ZBED1: variants seen among roughly 807,000 people sequenced by gnomAD.
ZBED1 encodes zinc finger BED-type containing 1, also known as E3 SUMO-protein ligase ZBED1.
In ZBED1, 19 loss-of-function variants were observed where a neutral mutation model predicts 49.7. The ratio of observed to expected loss-of-function variants is 0.38; its 90% CI spans 0.27 to 0.56. The LOEUF (loss-of-function observed/expected upper bound fraction) is 0.56. Among genes scored for constraint, ZBED1 ranks in the 20% least tolerant of loss-of-function variants. The pLI, the probability that ZBED1 is intolerant of heterozygous loss-of-function variation, is 0.70. For missense variants in ZBED1, 806 were observed against 972.6 expected (o/e 0.83, Z 2.28); for synonymous variants, 439 against 440.3 (o/e 1.00, Z 0.04).
At chrX:2,493,972 C>G (rs934119026) in intron 1 of ZBED1, among the ~76,000 whole-genome samples, 5 of 143,080 alleles carry the variant, frequency 3.5e-5, no homozygotes, top group Admixed American at 3.4e-4. Flanking sequence ...AACTCCGTCT[C>G]AAAGAAAGAA....
intron 1 of ZBED1, among the ~76,000 whole-genome samples, chrX:2,500,002 A>G (rs1188319276): frequency 6.6e-6 from 1 of 152,154 alleles, no homozygotes; most frequent in African/African-American, 2.4e-5. Flanking sequence ...ACAGAGCAAG[A>G]CTTCATCTCT....
intron 1 of ZBED1, 82 bp from the exon 2 acceptor site, chrX:2,490,854 C>G: frequency 2.3e-6 from 3 of 1,289,618 alleles, no homozygotes; most frequent in Non-Finnish European, 3.2e-6. Flanking sequence ...GACAGGGTGC[C>G]GGGGCAGCTC....
intron 1 of ZBED1, among the ~76,000 whole-genome samples, chrX:2,491,169 A>C (rs1265018249): frequency 1.3e-5 from 2 of 148,840 alleles, no homozygotes; most frequent in Non-Finnish European, 3.0e-5. Context: ...TCCCGGGTTC[A>C]AGCGATCTTC....
At position 2,489,706 on chromosome X, in the gene ZBED1, C is replaced by G; in HGVS notation, c.1014G>C (p.Gln338His). 1 of 1,612,874 alleles carries G rather than the reference C, an allele frequency of 6.2e-7. No homozygotes were observed. Among genetic ancestry groups the G allele is most frequent in the Non-Finnish European group, 8.5e-7 (1 of 1,179,836 alleles). ...AMYMLYEKQK[Q>H]QNVAHCMLVS... ...CCAGCATGCAGTGGGCCACGTTCTG[C>G]TGCTTCTGCTTCTCATAGAGCATGT... Residue 338 changes from glutamine to histidine, a missense_variant, in exon 2 of 2, where the codon CAG becomes CAC. This residue lies in a region of ZBED1 where 749 missense variants were observed against 861.3 expected (regional missense o/e 0.87). Coordinates refer to ENST00000652001, the MANE Select transcript of ZBED1 (RefSeq NM_001171136.2).
Position 2,489,246 on chromosome X carries a change from G to C in ZBED1, c.1474C>G (p.Gln492Glu). 6.2e-7 allele frequency: 1 copy of C among 1,613,922 alleles called. No homozygotes were observed. Among genetic ancestry groups the C allele is most frequent in the Non-Finnish European group, 8.5e-7 (1 of 1,179,854 alleles). ...TCTTCCACCACGCGATTCTCCACCT[G>C]CTGCCGCTCGAAGGCGGAGAGGAAG... is the stretch of plus-strand genomic sequence containing the variant. The part of the protein sequence containing the change: ...LPFLSAFERQ[Q>E]VENRVVEEAK... Residue 492 changes from glutamine (Q) to glutamate (E), a missense_variant, in exon 2 of 2, where the codon CAG becomes GAG. Physicochemically the swap from Gln to Glu is conservative, Grantham distance 29. Transcript: ENST00000652001.
intron 1 of ZBED1, among the ~76,000 whole-genome samples, chrX:2,491,820 A>C (rs966405032): frequency 3.0e-4 from 45 of 152,220 alleles, no homozygotes; most frequent in African/African-American, 1.1e-3. Flanking sequence ...ACACCTGTGC[A>C]AACATCAGGC....
intron 1 of ZBED1, among the ~76,000 whole-genome samples, chrX:2,492,358 C>T (rs767363724): frequency 1.3e-5 from 2 of 151,146 alleles, no homozygotes; most frequent in East Asian, 2.0e-4. Context: ...TGGAGTGATG[C>T]GGCCACAAAC....
rs765319071 is a variant in ZBED1, at chrX:2,489,659, C to A, written c.1061G>T (p.Trp354Leu). The change falls in exon 2 of 2, where the codon TGG becomes TTG. Residue 354 changes from tryptophan to leucine, a missense_variant. Coordinates refer to ENST00000652001, the MANE Select transcript of ZBED1 (RefSeq NM_001171136.2). ...CTGCAGCATGGCCAGCGTGCTCCCCCACCAGGAGACGCGGTTGCTCACCAG... is the reference window on the plus strand; with the variant it reads ...CTGCAGCATGGCCAGCGTGCTCCCCAACCAGGAGACGCGGTTGCTCACCAG... ...CMLVSNRVSW[W>L]GSTLAMLQRL... 9 of 1,612,418 alleles carry A rather than the reference C, an allele frequency of 5.6e-6. No homozygotes were observed. The highest frequency in any genetic ancestry group is 2.0e-4 in the Middle Eastern group (1 of 5,112).
Position 2,489,748 on chromosome X carries a change from C to T in ZBED1, c.972G>A (p.Gln324=), listed in dbSNP as rs775678500. 20 of 1,613,200 alleles carry T rather than the reference C, an allele frequency of 1.2e-5. No homozygotes were observed. The highest frequency in any genetic ancestry group is 1.4e-5 in the Non-Finnish European group (17 of 1,179,876). ...AGAGCATGTACATGGCCACGGCAGA[C>T]TGCTGGAAGTACTCCACCAGTTTGC... ...RCRKLVEYFQ[Q]SAVAMYMLYE... Residue 324 remains glutamine (Q), a synonymous_variant, in exon 2 of 2, where the codon CAG becomes CAA. Coordinates refer to ENST00000652001, the MANE Select transcript of ZBED1 (RefSeq NM_001171136.2).
chrX:2,500,278 A>G (rs781357367), intron 1 of ZBED1: 4 of 175,274 alleles, frequency 2.3e-5, no homozygotes, highest in Non-Finnish European at 4.9e-5. Flanking sequence ...CCCTCTGGAG[A>G]CGTCCTCCGG....
chrX:2,496,224 A>G (rs1447820930), intron 1 of ZBED1, among the ~76,000 whole-genome samples: 1 of 152,058 alleles, frequency 6.6e-6, no homozygotes, highest in Non-Finnish European at 1.5e-5. Context: ...TTTGAGACGG[A>G]GTCTCGCCCT....
At chrX:2,492,379 TGGAGCCCCCA>T (rs1294021614) in intron 1 of ZBED1, among the ~76,000 whole-genome samples, 1 of 150,462 alleles carries the variant, frequency 6.6e-6, no homozygotes, top group Non-Finnish European at 1.5e-5. Context: ...CCAGAACGCC[TGGAGCCCCCA>T]GGAGCTGGGA....
At chrX:2,493,921 G>A (rs1393135705) in intron 1 of ZBED1, among the ~76,000 whole-genome samples, 1 of 152,082 alleles carries the variant, frequency 6.6e-6, no homozygotes, top group Non-Finnish European at 1.5e-5. Context: ...GCAGTGAGCC[G>A]AGATGGCGCC....
In ZBED1 at chrX:2,488,781, G is replaced by A; in HGVS notation, c.1939C>T (p.Leu647=). Residue 647 remains leucine (L), a synonymous_variant, in exon 2 of 2, where the codon CTG becomes TTG. Transcript: ENST00000652001. ...APAHVDEQVF[L]YENARSGAEA... ...GCCCCACTCCGGGCGTTCTCATACAGAAACACCTGCTCGTCCACGTGCGCG... is the reference window on the plus strand; with the variant it reads ...GCCCCACTCCGGGCGTTCTCATACAAAAACACCTGCTCGTCCACGTGCGCG... The A allele has an allele frequency of 6.2e-7, 1 of 1,613,936 alleles. No individual in the cohort carries two copies. The highest frequency in any genetic ancestry group is 8.5e-7 in the Non-Finnish European group (1 of 1,179,878).
At position 2,489,722 on chromosome X, in the gene ZBED1, T is replaced by A; in HGVS notation, c.998A>T (p.Tyr333Phe). 1 of 1,613,088 alleles carries A rather than the reference T, an allele frequency of 6.2e-7. No individual in the cohort carries two copies. Among genetic ancestry groups the A allele is most frequent in the Admixed American group, 1.7e-5 (1 of 60,018 alleles). Reference protein sequence around the residue: ...QQSAVAMYMLYEKQKQQNVAH... With the variant: ...QQSAVAMYMLFEKQKQQNVAH... ...CACGTTCTGCTGCTTCTGCTTCTCA[T>A]AGAGCATGTACATGGCCACGGCAGA... Residue 333 changes from tyrosine to phenylalanine, a missense_variant, in exon 2 of 2, where the codon TAT (tyrosine) becomes TTT (phenylalanine). Around this residue, in one of 2 missense-constraint regions of ZBED1, gnomAD observed 749 missense variants for 861.3 expected, o/e 0.87. Coordinates refer to ENST00000652001, the MANE Select transcript of ZBED1 (RefSeq NM_001171136.2).
In ZBED1 at chrX:2,488,730, C is replaced by G. The variant is rs753735373; in HGVS notation, c.1990G>C (p.Glu664Gln). ...GAEAEPEDQD[E>Q]GEWGLDQEQV... ...TCCTGGTCCAGGCCCCACTCCCCCT[C>G]GTCCTGGTCCTCGGGTTCCGCCTCT... Residue 664 changes from glutamate (E) to glutamine (Q), a missense_variant, in exon 2 of 2, where the codon GAG becomes CAG. Glu to Gln is a conservative substitution (Grantham distance 29). This residue lies in a region of ZBED1 where 749 missense variants were observed against 861.3 expected (regional missense o/e 0.87). Transcript: ENST00000652001. The G allele has an allele frequency of 6.2e-7, 1 of 1,613,962 alleles. No homozygotes were observed. The highest frequency in any genetic ancestry group is 2.2e-5 in the East Asian group (1 of 44,872).
At chrX:2,500,547 C>G (rs1296125192) in intron 1 of ZBED1, 1 of 169,894 alleles carries the variant, frequency 5.9e-6, no homozygotes, top group Non-Finnish European at 1.2e-5. Context: ...GCGGGGAGGC[C>G]ACACGCGCGG....
chrX:2,490,117 C>A lies in ZBED1; in HGVS notation c.603G>T (p.Trp201Cys). Residue 201 changes from tryptophan (W) to cysteine (C), a missense_variant, in exon 2 of 2, where the codon TGG becomes TGT. By Grantham distance (215) the Trp-to-Cys change is radical. Transcript: ENST00000652001. ...AGGCGCGGTTCTGATTCTCACTCCT[C>A]CACATGTCGGTGGAGATGCCACACC... Reference protein sequence around the residue: ...ATWCGISTDMWRSENQNRAYV... With the variant: ...ATWCGISTDMCRSENQNRAYV... The A allele has an allele frequency of 6.2e-7, 1 of 1,613,948 alleles. No homozygotes were observed. Among genetic ancestry groups the A allele is most frequent in the South Asian group, 1.1e-5 (1 of 91,080 alleles).
chrX:2,490,011 C>T lies in ZBED1; in HGVS notation c.709G>A (p.Glu237Lys), dbSNP rs748217691. The change falls in exon 2 of 2, where the codon GAG becomes AAG. Residue 237 changes from glutamate to lysine, a missense_variant. This residue lies in a region of ZBED1 where 749 missense variants were observed against 861.3 expected (regional missense o/e 0.87). Coordinates refer to ENST00000652001, the MANE Select transcript of ZBED1 (RefSeq NM_001171136.2). ...TCCGCCGTGTTCTCTTCGGGCACCT[C>T]GAAGGTCTTCAGGCAGCGGGAGCCC... ...SMGSRCLKTF[E>K]VPEENTAETI... The T allele has an allele frequency of 9.3e-6, 15 of 1,613,736 alleles. No homozygotes were observed. Among genetic ancestry groups the T allele is most frequent in the Admixed American group, 8.3e-5 (5 of 60,006 alleles).
Sources: allele counts gnomAD v4.1 joint callset (sites outside exome capture counted in the v4.1 genomes callset), GRCh38; gene constraint gnomAD v4.1.1; regional missense constraint gnomAD v4.1.1; transcripts MANE v1.5; gene names NCBI Gene and HGNC (gene_info 2026-07-23, HGNC 2026-07-21).